Variants in FAM53A observed in about 807,000 individuals in gnomAD.
FAM53A encodes the protein family with sequence similarity 53 member A, also known as protein FAM53A.
In FAM53A, 28 loss-of-function variants were observed where a neutral mutation model predicts 26.6. The observed-to-expected ratio is 1.05, with a 90% CI of 0.78 to 1.45. The LOEUF (loss-of-function observed/expected upper bound fraction) is 1.45, where lower values mean the gene tolerates loss of function less well. Ranked by LOEUF, FAM53A falls within the 40% of genes most tolerant of loss-of-function variation. The pLI is 0.00. For synonymous variants in FAM53A, 290 were observed against 253.1 expected (o/e 1.15, Z -1.38); for missense variants, 650 against 575.8 (o/e 1.13, Z -1.32).
chr4:1,682,550 C>A (rs760934491), intron 1 of FAM53A, among the ~76,000 whole-genome samples: 1 of 152,094 alleles, frequency 6.6e-6, no homozygotes, highest in African/African-American at 2.4e-5. Flanking sequence ...TGTGAGCCAC[C>A]GCGCCTAGCC....
chr4:1,604,534 C>T, the FAM53A span, among the ~76,000 whole-genome samples: 1 of 152,100 alleles, frequency 6.6e-6, no homozygotes, highest in South Asian at 2.1e-4. Context: ...CTCACAAAGC[C>T]GCACGGCGCC....
chr4:1,610,016 T>C, the FAM53A span, among the ~76,000 whole-genome samples: 1 of 151,908 alleles, frequency 6.6e-6, no homozygotes, highest in Admixed American at 6.6e-5. Context: ...TATAGCAGCA[T>C]GAGAATGGAC....
At chr4:1,623,764 T>C (rs904711279) in intron 1 of FAM53A, among the ~76,000 whole-genome samples, 7 of 152,172 alleles carry the variant, frequency 4.6e-5, no homozygotes, top group African/African-American at 1.7e-4. Flanking sequence ...TCCCGGGGCG[T>C]CGGACAGGGC....
the FAM53A span, among the ~76,000 whole-genome samples, chr4:1,597,662 C>T: frequency 2.7e-5 from 3 of 111,422 alleles, no homozygotes; most frequent in Non-Finnish European, 6.3e-5. Context: ...CCCTATGTGG[C>T]TGCAGGGAGC....
At chr4:1,585,140 C>T in the FAM53A span, among the ~76,000 whole-genome samples, 2 of 152,114 alleles carry the variant, frequency 1.3e-5, no homozygotes, top group East Asian at 3.8e-4. Flanking sequence ...CTCTCAATGA[C>T]TTTCAACAAC....
the FAM53A span, among the ~76,000 whole-genome samples, chr4:1,600,172 C>G: frequency 6.6e-6 from 1 of 152,236 alleles, no homozygotes; most frequent in South Asian, 2.1e-4. Flanking sequence ...GCCCTGCTGC[C>G]GGTTTTAGTG....
At chr4:1,611,401 ACC>A in the FAM53A span, among the ~76,000 whole-genome samples, 1 of 152,028 alleles carries the variant, frequency 6.6e-6, no homozygotes, top group East Asian at 1.9e-4. Context: ...CAGCCCTCAG[ACC>A]CAGCTCAGGC....
intron 3 of FAM53A, among the ~76,000 whole-genome samples, chr4:1,656,584 A>G (rs1713403254): frequency 6.6e-6 from 1 of 152,018 alleles, no homozygotes. Context: ...CGGGGCTCTG[A>G]GCCAGGATGG....
chr4:1,648,298 G>A (rs1712424802), intron 4 of FAM53A, among the ~76,000 whole-genome samples: 2 of 152,200 alleles, frequency 1.3e-5, no homozygotes, highest in East Asian at 1.9e-4. Flanking sequence ...CAGGTGATGC[G>A]GTGCAGGCAG....
intron 1 of FAM53A, 140 bp downstream of exon 1, chr4:1,684,093 C>T (rs1462789213): frequency 6.6e-6 from 1 of 152,084 alleles, no homozygotes; most frequent in Non-Finnish European, 1.5e-5. Context: ...ACGCGCCCAG[C>T]TCGGAGCGCA....
the FAM53A span, among the ~76,000 whole-genome samples, chr4:1,599,422 C>T: frequency 4.7e-3 from 720 of 152,316 alleles, 6 homozygotes; most frequent in African/African-American, 0.017. This position sits in a 1 kb window ranked among gnomAD's most constrained non-coding sequence, Gnocchi z 6.1. Context: ...TCGAGTGTTT[C>T]GCAGACAAGG....
chr4:1,594,460 C>G, the FAM53A span, among the ~76,000 whole-genome samples: 2 of 152,164 alleles, frequency 1.3e-5, no homozygotes, highest in Non-Finnish European at 2.9e-5. Flanking sequence ...AAAGGCACCC[C>G]CCACGGTGGG....
the FAM53A span, among the ~76,000 whole-genome samples, chr4:1,597,268 G>C: frequency 6.6e-6 from 1 of 151,884 alleles, no homozygotes; most frequent in Non-Finnish European, 1.5e-5. Context: ...TCACTCCCCT[G>C]CCTCTGCTCC....
chr4:1,636,865 C>G (rs112038354), downstream of FAM53A, among the ~76,000 whole-genome samples: 616 of 151,430 alleles, frequency 4.1e-3, 3 homozygotes, highest in Non-Finnish European at 6.1e-3. Flanking sequence ...AGGAGGAGAG[C>G]TGAAATTCCT....
At chr4:1,658,132 T>A (rs1009617064) in intron 2 of FAM53A, among the ~76,000 whole-genome samples, 1 of 151,886 alleles carries the variant, frequency 6.6e-6, no homozygotes, top group Non-Finnish European at 1.5e-5. Flanking sequence ...TGTCTCAGCC[T>A]CCCGAGTAGC....
downstream of FAM53A, among the ~76,000 whole-genome samples, chr4:1,637,845 C>T (rs142031827): frequency 3.4e-3 from 518 of 152,224 alleles, 4 homozygotes; most frequent in African/African-American, 0.012. Context: ...ACGGGCTGAC[C>T]GCTGAGGTGG....
chr4:1,683,847 AC>A (rs1365335374), intron 1 of FAM53A: 1 of 152,246 alleles, frequency 6.6e-6, no homozygotes, highest in East Asian at 1.9e-4. Flanking sequence ...CCCCCAGGCT[AC>A]GCAGAAAAAG....
chr4:1,593,961 C>T, the FAM53A span, among the ~76,000 whole-genome samples: 4 of 152,208 alleles, frequency 2.6e-5, no homozygotes, highest in South Asian at 6.2e-4. Context: ...CCAACAAGCA[C>T]GAAATACGGT....
intron 1 of FAM53A, among the ~76,000 whole-genome samples, chr4:1,670,586 C>T (rs915692094): frequency 5.3e-5 from 8 of 152,346 alleles, no homozygotes; most frequent in African/African-American, 1.9e-4. Flanking sequence ...GATCTGAAAT[C>T]GCGTGCTCAG....
Sources: allele counts gnomAD v4.1 joint callset (sites outside exome capture counted in the v4.1 genomes callset), GRCh38; gene constraint gnomAD v4.1.1; non-coding constraint Gnocchi (gnomAD v3.1); transcripts MANE v1.5; gene names NCBI Gene and HGNC (gene_info 2026-07-23, HGNC 2026-07-21).